TMCO4: variants seen among roughly 807,000 people sequenced by gnomAD.
TMCO4 encodes transmembrane and coiled-coil domains 4.
A neutral mutation model predicts 64.7 loss-of-function variants in TMCO4; 58 were observed. The ratio of observed to expected loss-of-function variants is 0.90; its 90% CI spans 0.73 to 1.12. TMCO4 has a LOEUF of 1.12. Among genes scored for constraint, TMCO4 ranks in the 50% most tolerant of loss-of-function variants. The probability of loss-of-function intolerance (pLI) is 0.00; values close to 1 mark genes in which losing one functional copy is unlikely to be tolerated. For missense variants in TMCO4, 780 were observed against 825.9 expected (o/e 0.94, Z 0.68); for synonymous variants, 325 against 346.1 (o/e 0.94, Z 0.68).
intron 13 of TMCO4, among the ~76,000 whole-genome samples, chr1:19,722,641 G>T (rs996306931): frequency 1.3e-5 from 2 of 152,182 alleles, no homozygotes; most frequent in Non-Finnish European, 2.9e-5. Context: ...TTTAGGAGTA[G>T]AAAGTGTGTC....
intron 7 of TMCO4, among the ~76,000 whole-genome samples, chr1:19,751,044 C>T (rs1435118301): frequency 1.3e-5 from 2 of 152,188 alleles, no homozygotes; most frequent in Non-Finnish European, 2.9e-5. Flanking sequence ...GTTCCTCCTC[C>T]AGGGATTCTG....
chr1:19,786,447 G>A (rs2043747128), intron 3 of TMCO4, among the ~76,000 whole-genome samples: 1 of 152,174 alleles, frequency 6.6e-6, no homozygotes, highest in African/African-American at 2.4e-5. Flanking sequence ...GGGGTGGGGT[G>A]GGCACGTCTT....
intron 13 of TMCO4, among the ~76,000 whole-genome samples, chr1:19,726,137 G>A (rs867224761): frequency 1.3e-5 from 2 of 152,248 alleles, no homozygotes; most frequent in Non-Finnish European, 2.9e-5. Flanking sequence ...CCTGGTGATC[G>A]TGAGTGTGTG....
intron 8 of TMCO4, 141 bp downstream of exon 8, chr1:19,747,022 C>G: frequency 1.3e-6 from 1 of 799,414 alleles, no homozygotes; most frequent in Non-Finnish European, 2.1e-6. Flanking sequence ...ATGAGCACAC[C>G]GACTACTCAC....
intron 6 of TMCO4, among the ~76,000 whole-genome samples, chr1:19,764,058 C>T (rs1378581057): frequency 6.6e-6 from 1 of 152,232 alleles, no homozygotes; most frequent in African/African-American, 2.4e-5. Context: ...TTCTGAGACC[C>T]TCCCATCTCC....
chr1:19,715,908 C>A (rs1415714268), intron 13 of TMCO4, among the ~76,000 whole-genome samples: 1 of 152,218 alleles, frequency 6.6e-6, no homozygotes, highest in African/African-American at 2.4e-5. Flanking sequence ...GGTCTGATCA[C>A]ATCCTAGAAA....
chr1:19,715,157 G>A (rs1430449348), intron 13 of TMCO4, among the ~76,000 whole-genome samples: 31 of 152,094 alleles, frequency 2.0e-4, no homozygotes, highest in South Asian at 4.1e-4. Flanking sequence ...ACTTCAGCCC[G>A]GAGGGGGTCG....
intron 6 of TMCO4, among the ~76,000 whole-genome samples, chr1:19,761,244 A>G (rs1343264412): frequency 6.6e-6 from 1 of 152,194 alleles, no homozygotes; most frequent in Non-Finnish European, 1.5e-5. Flanking sequence ...TGAAGTGGGA[A>G]GGAGGGCCAC....
Position 19,723,527 on chromosome 1 carries a change from A to G in TMCO4, c.1264+13845T>C, listed in dbSNP as rs928817079. ...TGGGTGCCCCAGTCATCATGTAGCTAAAGTCTGCATGCTCAGCTCTCTCAG... is the reference window on the plus strand; with the variant it reads ...TGGGTGCCCCAGTCATCATGTAGCTGAAGTCTGCATGCTCAGCTCTCTCAG... On this transcript the variant is annotated intron_variant, in intron 13 of 15. Transcript: ENST00000294543. Among the ~76,000 whole-genome samples, 14 of 152,120 alleles carry G rather than the reference A, an allele frequency of 9.2e-5. 1 individual carries two copies. Among genetic ancestry groups the G allele is most frequent in the African/African-American group, 3.4e-4 (14 of 41,408 alleles).
rs1454016458 is a variant in TMCO4, at chr1:19,734,107, G to C, written c.1264+3265C>G. The stretch of plus-strand genomic sequence containing the variant: ...GAGGGAAAGCTTCCAGACACAGTGA[G>C]ACCTGAGAAATGAGTAGGAATTATC... On this transcript the variant is annotated intron_variant, in intron 13 of 15. Coordinates refer to ENST00000294543, the MANE Select transcript of TMCO4 (RefSeq NM_181719.7). The surrounding 1 kb of genome is among the most constrained non-coding windows in gnomAD (Gnocchi z 4.4). Among the ~76,000 whole-genome samples the C allele has an allele frequency of 6.6e-6, 1 of 152,026 alleles. No homozygotes were observed. Among genetic ancestry groups the C allele is most frequent in the Non-Finnish European group, 1.5e-5 (1 of 68,016 alleles).
In TMCO4 at chr1:19,692,452, G is replaced by A. The variant is rs183267331; in HGVS notation, c.1500+1982C>T. On this transcript the variant is annotated intron_variant, in intron 15 of 15. Transcript: ENST00000294543. ...GTCTGTAAAAGGCTTAGGGCAGGCC[G>A]GGTGTGGTGGCTCATGCCTATAATC... 1.8e-3 allele frequency among the ~76,000 whole-genome samples: 277 copies of A among 152,196 alleles called. 1 individual carries two copies. Among genetic ancestry groups the A allele is most frequent in the Non-Finnish European group, 3.1e-3 (212 of 68,002 alleles).
intron 14 of TMCO4, among the ~76,000 whole-genome samples, chr1:19,695,200 G>A (rs757038381): frequency 7.9e-5 from 12 of 152,170 alleles, no homozygotes; most frequent in South Asian, 2.1e-4. Context: ...ACCCCACTCC[G>A]TGAACCTGGC....
rs770828902 is a variant in TMCO4 at position 19,747,175 on chromosome 1, C to T, written c.601G>A (p.Gly201Arg). The stretch of plus-strand genomic sequence containing the variant: ...TAGCTGGACTCACCGATCACCGTTC[C>T]GCCTCCGACAGTCGCCAGGCCTATC... ...LLIGLATVGGGTVIGVTGGLA... is the reference protein window; with the variant it reads ...LLIGLATVGGRTVIGVTGGLA... The change falls in exon 8 of 16, where the codon GGA becomes AGA. Residue 201 changes from glycine (G) to arginine (R), a missense_variant. Coordinates refer to ENST00000294543, the MANE Select transcript of TMCO4 (RefSeq NM_181719.7). 36 of 1,613,850 alleles carry T rather than the reference C, an allele frequency of 2.2e-5. No homozygotes were observed. Among genetic ancestry groups the T allele is most frequent in the South Asian group, 1.9e-4 (17 of 91,086 alleles).
intron 7 of TMCO4, among the ~76,000 whole-genome samples, chr1:19,751,079 T>G (rs752095258): frequency 2.0e-5 from 3 of 152,248 alleles, no homozygotes; most frequent in Non-Finnish European, 4.4e-5. Flanking sequence ...TGAAAATTGC[T>G]GAGCTAAGCT....
chr1:19,704,555 T>A (rs891931989), intron 13 of TMCO4, among the ~76,000 whole-genome samples: 1 of 152,212 alleles, frequency 6.6e-6, no homozygotes, highest in African/African-American at 2.4e-5. Flanking sequence ...TCGTTGCTCC[T>A]ACAGTGCCAA....
chr1:19,753,398 C>G (rs1315269150), intron 7 of TMCO4, among the ~76,000 whole-genome samples: 1 of 152,142 alleles, frequency 6.6e-6, no homozygotes, highest in Non-Finnish European at 1.5e-5. Context: ...CTACCATTAT[C>G]CTCATGTGAG....
In TMCO4 at chr1:19,740,759, G is replaced by A. The variant is rs377484952; in HGVS notation, c.1042+18C>T. ...GCAGTGGGCATGCTGTTGTTGGGGG[G>A]CAGGTGGGGGCACTTACCAGACAAC... On this transcript the variant is annotated intron_variant, in intron 11 of 15. Coordinates refer to ENST00000294543, the MANE Select transcript of TMCO4 (RefSeq NM_181719.7). 214 of 1,596,358 alleles carry A rather than the reference G, an allele frequency of 1.3e-4. No individual in the cohort carries two copies. The highest frequency in any genetic ancestry group is 1.7e-4 in the Non-Finnish European group (196 of 1,170,210).
intron 12 of TMCO4, among the ~76,000 whole-genome samples, chr1:19,738,983 T>C (rs1019262082): frequency 6.6e-6 from 1 of 152,220 alleles, no homozygotes; most frequent in Non-Finnish European, 1.5e-5. Context: ...ATGCCATCTT[T>C]GATACAAGGT....
intron 6 of TMCO4, among the ~76,000 whole-genome samples, chr1:19,761,104 A>G (rs1285014344): frequency 1.3e-5 from 2 of 152,116 alleles, no homozygotes; most frequent in Non-Finnish European, 2.9e-5. Context: ...TAGAAACTCC[A>G]TCTTCTCAAA....
Sources: allele counts gnomAD v4.1 joint callset (sites outside exome capture counted in the v4.1 genomes callset), GRCh38; gene constraint gnomAD v4.1.1; non-coding constraint Gnocchi (gnomAD v3.1); transcripts MANE v1.5; gene names NCBI Gene and HGNC (gene_info 2026-07-23, HGNC 2026-07-21).